The following UBQLN4 variants were observed in gnomAD, a reference collection of about 807,000 sequenced individuals.
UBQLN4 encodes ubiquilin-4.
Under a neutral mutation model 60.4 loss-of-function variants are expected in UBQLN4, and 11 were observed. The ratio of observed to expected loss-of-function variants is 0.18; its 90% CI spans 0.11 to 0.30. The LOEUF is 0.30. Among genes scored for constraint, UBQLN4 ranks in the 10% least tolerant of loss-of-function variants. UBQLN4 has a pLI of 1.00. For synonymous variants in UBQLN4, 258 were observed against 313.1 expected (o/e 0.82, Z 1.86); for missense variants, 417 against 795.5 (o/e 0.52, Z 5.72).
At chr1:156,053,110 C>G (rs1333265471) in intron 1 of UBQLN4, among the ~76,000 whole-genome samples, 2 of 152,168 alleles carry the variant, frequency 1.3e-5, no homozygotes, top group South Asian at 2.1e-4. Context: ...GAGCTGAGAA[C>G]CAAATGTAAC....
chr1:156,038,085 T>A (rs1017266212), intron 10 of UBQLN4, among the ~76,000 whole-genome samples: 14 of 151,576 alleles, frequency 9.2e-5, no homozygotes, highest in South Asian at 6.3e-4. Flanking sequence ...TAAAAAAAAA[T>A]TTTTTTTTGG....
chr1:156,051,093 C>A lies in UBQLN4; in HGVS notation c.478+17G>T. 6.2e-7 allele frequency: 1 copy of A among 1,610,938 alleles called. No individual in the cohort carries two copies. Reference sequence around the variant, plus strand: ...CCAACCCCAAACAAGATTGTGCTCTCCTCTCTGAGGGCTTACAGAGTATGG... The same window carrying A: ...CCAACCCCAAACAAGATTGTGCTCTACTCTCTGAGGGCTTACAGAGTATGG... On this transcript the variant is annotated intron_variant, in intron 3 of 10. Transcript: ENST00000368309.
Position 156,053,228 on chromosome 1 carries a change from C to T in UBQLN4, c.108+366G>A, listed in dbSNP as rs186773293. Among the ~76,000 whole-genome samples, 768 of 152,252 alleles carry T rather than the reference C, an allele frequency of 5.0e-3. 1 individual carries two copies. The highest frequency in any genetic ancestry group is 0.012 in the South Asian group (56 of 4,824). The stretch of plus-strand genomic sequence containing the variant: ...GTTCTCTGAGGCACAGAGTAGGCGC[C>T]GGCGCTCTCCGCCTGCCCCCGGCCC... On this transcript the variant is annotated intron_variant, in intron 1 of 10. Transcript: ENST00000368309.
At chr1:156,052,048 T>C (rs1683885484) in intron 1 of UBQLN4, among the ~76,000 whole-genome samples, 191 bp from the exon 2 acceptor site, 1 of 152,188 alleles carries the variant, frequency 6.6e-6, no homozygotes, top group Non-Finnish European at 1.5e-5. Context: ...GATGAACCAG[T>C]GAGAGGCTCT....
chr1:156,049,277 T>C (rs1326301026), intron 4 of UBQLN4, among the ~76,000 whole-genome samples: 1 of 152,186 alleles, frequency 6.6e-6, no homozygotes, highest in Non-Finnish European at 1.5e-5. Flanking sequence ...GACTGCAAGT[T>C]GGGGAAGGAA....
rs1460000688 is a variant in UBQLN4 at position 156,038,810 on chromosome 1, TTC to T, written c.1654-1682_1654-1681del. ...GCATGAGCCACTGCACTAGGTCTTCTTCTTTTTTTTTTTTTTTTGAGACGGAG... is the reference window on the plus strand; with the variant it reads ...GCATGAGCCACTGCACTAGGTCTTCTTTTTTTTTTTTTTTTTGAGACGGAG... On this transcript the variant is annotated intron_variant, in intron 10 of 10. Transcript: ENST00000368309. Among the ~76,000 whole-genome samples the T allele has an allele frequency of 4.6e-4, 32 of 69,950 alleles. No homozygotes were observed. The East Asian group carries it at 0.011, about 23-fold the overall frequency. The allele number at this position is 69,950 out of a possible 152,430, so 45.9% of individuals were successfully genotyped here.
At position 156,035,974 on chromosome 1, in the gene UBQLN4, G is replaced by C. The variant is rs1683390777; in HGVS notation, c.*1004C>G. 14 of 985,798 alleles carry C rather than the reference G, an allele frequency of 1.4e-5. No individual in the cohort carries two copies. Among genetic ancestry groups the C allele is most frequent in the Non-Finnish European group, 1.6e-5 (13 of 830,158 alleles). The allele number at this position is 985,798 out of a possible 1,614,324, so 61.1% of individuals were successfully genotyped here. A position where few individuals can be genotyped will look rare whatever the true frequency, so the allele number is the denominator to read the frequency against. On this transcript the variant is annotated 3_prime_UTR_variant, in exon 11 of 11. Transcript: ENST00000368309. ...CCAACCCCCTTCATGTCTTTTGAGG[G>C]GGGCTCAAACTACTGGTGCCTGGGG...
downstream of UBQLN4, among the ~76,000 whole-genome samples, chr1:156,035,122 C>T (rs941789311): frequency 3.3e-5 from 5 of 151,268 alleles, no homozygotes; most frequent in Admixed American, 1.3e-4. Context: ...GATGCAGTTT[C>T]GCTCTTGTTG....
chr1:156,043,919 C>A, intron 6 of UBQLN4, 79 bp downstream of exon 6: 3 of 1,433,274 alleles, frequency 2.1e-6, no homozygotes, highest in Non-Finnish European at 1.9e-6. Context: ...AATCCTGGAG[C>A]AGTATGAACC....
rs1167318770 is a variant in UBQLN4 at position 156,053,786 on chromosome 1, G to C, written c.-85C>G. On this transcript the variant is annotated 5_prime_UTR_variant, in exon 1 of 11. Transcript: ENST00000368309. ...CCGGCCGGCCCGGCTCGGCTTCTGC[G>C]CCTCCAACACTCCCCTCTCTCCACC... is the stretch of plus-strand genomic sequence containing the variant. 1.4e-6 allele frequency: 1 copy of C among 694,776 alleles called. No individual in the cohort carries two copies. Among genetic ancestry groups the C allele is most frequent in the Non-Finnish European group, 2.0e-6 (1 of 501,922 alleles). The allele number at this position is 694,776 out of a possible 1,614,324, so 43.0% of individuals were successfully genotyped here. A position where few individuals can be genotyped will look rare whatever the true frequency, so the allele number is the denominator to read the frequency against.
Position 156,051,840 on chromosome 1 carries a change from G to A in UBQLN4, c.126C>T (p.Ser42=), listed in dbSNP as rs549053780. ...ASVKEFKEEI[S]RRFKAQQDQL... ...GATCCTGCTGAGCCTTAAACCTCCG[G>A]GAGATTTCCTCTTTGAACTGTGATC... Residue 42 remains serine (S), a synonymous_variant, in exon 2 of 11, where the codon TCC becomes TCT. Coordinates refer to ENST00000368309, the MANE Select transcript of UBQLN4 (RefSeq NM_020131.5). 3.1e-6 allele frequency: 5 copies of A among 1,614,084 alleles called. No individual in the cohort carries two copies. The South Asian group carries it at 3.3e-5, about 11-fold the overall frequency.
chr1:156,050,650 C>T lies in UBQLN4; in HGVS notation c.479-97G>A. ...AGATCTCCAGGACACGCCCCAAATG[C>T]TTCTCACATGTCCCTCTTCCTGTCA... On this transcript the variant is annotated intron_variant, in intron 3 of 10. Transcript: ENST00000368309. This position sits in a 1 kb window ranked among gnomAD's most constrained non-coding sequence, Gnocchi z 4.6. The T allele has an allele frequency of 1.4e-6, 2 of 1,451,496 alleles. No homozygotes were observed. Among genetic ancestry groups the T allele is most frequent in the African/African-American group, 1.4e-5 (1 of 70,116 alleles). 89.9% of individuals were successfully genotyped at this position (1,451,496 alleles called of 1,614,324 possible).
At chr1:156,042,458 C>T (rs1683593776) in intron 7 of UBQLN4, 1 of 1,395,986 alleles carries the variant, frequency 7.2e-7, no homozygotes, top group Admixed American at 3.1e-5. Flanking sequence ...AGCCCTGGGT[C>T]TGATGATGAT....
chr1:156,034,870 T>TATATATATAA (rs1683363635), downstream of UBQLN4, among the ~76,000 whole-genome samples: 2 of 115,218 alleles, frequency 1.7e-5, no homozygotes, highest in African/African-American at 3.3e-5. Context: ...TATATATATA[T>TATATATATAA]AATTTTTTTT....
chr1:156,048,657 T>C lies in UBQLN4; in HGVS notation c.744A>G (p.Thr248=), dbSNP rs765073301. 6 of 1,613,732 alleles carry C rather than the reference T, an allele frequency of 3.7e-6. No individual in the cohort carries two copies. Among genetic ancestry groups the C allele is most frequent in the Non-Finnish European group, 8.5e-7 (1 of 1,179,758 alleles). The change falls in exon 5 of 11, where the codon ACA becomes ACG. Residue 248 remains threonine, a splice_region_variant and synonymous_variant. Transcript: ENST00000368309. This position sits in a 1 kb window ranked among gnomAD's most constrained non-coding sequence, Gnocchi z 4.9. ...MLNNPELMRQ[T]MELARNPAMM... ...TGGCTGGATTCCGAGCAAGCTCCAT[T>C]GTCTGATCAAGGGAGAGAGACAAAA... is the stretch of plus-strand genomic sequence containing the variant.
In UBQLN4 at chr1:156,048,766, G is replaced by A; in HGVS notation, c.742-107C>T. 2.4e-6 allele frequency: 3 copies of A among 1,260,372 alleles called. No homozygotes were observed. The highest frequency in any genetic ancestry group is 3.3e-6 in the Non-Finnish European group (3 of 911,298). The allele number at this position is 1,260,372 out of a possible 1,614,324, so 78.1% of individuals were successfully genotyped here. ...GGTCTGTATCAGGATCAGGACCAGGGCCCAGGAACTGCCCCACAGTGACAG... is the reference window on the plus strand; with the variant it reads ...GGTCTGTATCAGGATCAGGACCAGGACCCAGGAACTGCCCCACAGTGACAG... On this transcript the variant is annotated intron_variant, in intron 4 of 10. Transcript: ENST00000368309. This position sits in a 1 kb window ranked among gnomAD's most constrained non-coding sequence, Gnocchi z 4.9.
Position 156,035,550 on chromosome 1 carries a change from T to C in UBQLN4, c.*1428A>G, listed in dbSNP as rs1235527018. The C allele has an allele frequency of 1.0e-6, 1 of 985,274 alleles. No individual in the cohort carries two copies. The highest frequency in any genetic ancestry group is 1.2e-6 in the Non-Finnish European group (1 of 829,944). 61.0% of individuals were successfully genotyped at this position (985,274 alleles called of 1,614,324 possible). Reference sequence around the variant, plus strand: ...TGACAGAGAAATGTCCAATTCCAGATCAAAGGCATCATTGCCACCCTCTCC... The same window carrying C: ...TGACAGAGAAATGTCCAATTCCAGACCAAAGGCATCATTGCCACCCTCTCC... On this transcript the variant is annotated 3_prime_UTR_variant, in exon 11 of 11. Transcript: ENST00000368309.
At chr1:156,053,539 A>G in intron 1 of UBQLN4, 55 bp downstream of exon 1, 1 of 587,826 alleles carries the variant, frequency 1.7e-6, no homozygotes, top group Non-Finnish European at 2.2e-6. Flanking sequence ...GAGGCCCCCC[A>G]TCTCTTCGCA....
In UBQLN4 at chr1:156,048,033, G is replaced by A. The variant is rs1683763776; in HGVS notation, c.900+468C>T. Among the ~76,000 whole-genome samples, 1 of 151,986 alleles carries A rather than the reference G, an allele frequency of 6.6e-6. No individual in the cohort carries two copies. Among genetic ancestry groups the A allele is most frequent in the Admixed American group, 6.6e-5 (1 of 15,254 alleles). ...CTATTTTTTTGTGTGTACTTGAATA[G>A]GATTCATAAAGCATTTTTAAAAGTG... is the stretch of plus-strand genomic sequence containing the variant. On this transcript the variant is annotated intron_variant, in intron 5 of 10. Coordinates refer to ENST00000368309, the MANE Select transcript of UBQLN4 (RefSeq NM_020131.5). This position sits in a 1 kb window ranked among gnomAD's most constrained non-coding sequence, Gnocchi z 4.9.
Sources: gnomAD v4.1 joint callset for allele counts (sites outside exome capture counted in the v4.1 genomes callset) on GRCh38, gnomAD v4.1.1 for gene constraint, Gnocchi (gnomAD v3.1) non-coding constraint, MANE v1.5 for transcripts, NCBI Gene and HGNC (gene_info 2026-07-23, HGNC 2026-07-21) for gene names.